The following HECW1 variants were observed in gnomAD, a reference collection of about 807,000 sequenced individuals.
HECW1 encodes the protein E3 ubiquitin-protein ligase HECW1.
In HECW1, 61 loss-of-function variants were observed where a neutral mutation model predicts 182.3. That is an observed-to-expected ratio of 0.33 (90% CI 0.27 to 0.41). HECW1 has a LOEUF of 0.41. Ranked by LOEUF, HECW1 falls within the 10% of genes least tolerant of loss-of-function variation. The probability of loss-of-function intolerance (pLI) is 1.00; values close to 1 mark genes in which losing one functional copy is unlikely to be tolerated. For missense variants in HECW1, 1,739 were observed against 2,108.9 expected (o/e 0.82, Z 3.44); for synonymous variants, 859 against 832.6 (o/e 1.03, Z -0.55).
chr7:43,462,832 C>T (rs899074564), intron 13 of HECW1, among the ~76,000 whole-genome samples: 15 of 152,250 alleles, frequency 9.9e-5, no homozygotes, highest in African/African-American at 3.4e-4. Context: ...ACAAGCTCCC[C>T]AACAAATTCA....
chr7:43,135,663 T>G (rs533774154), intron 2 of HECW1, among the ~76,000 whole-genome samples: 4 of 152,358 alleles, frequency 2.6e-5, no homozygotes, highest in South Asian at 4.1e-4. Context: ...CATAGCTTTT[T>G]CCTTTGACCC....
intron 2 of HECW1, chr7:43,207,775 G>C (rs1289912473): frequency 2.0e-5 from 3 of 152,136 alleles, no homozygotes; most frequent in Non-Finnish European, 2.9e-5. Flanking sequence ...AACATGGAAT[G>C]CTTCACAGTT....
intron 1 of HECW1, 68 bp downstream of exon 1, chr7:43,113,005 C>G (rs1159329747): frequency 5.1e-6 from 1 of 194,436 alleles, no homozygotes; most frequent in Non-Finnish European, 1.1e-5. Context: ...GGGCGGCTTC[C>G]CCGCCGCACG....
At position 43,278,402 on chromosome 7, in the gene HECW1, C is replaced by G. The variant is rs116424138; in HGVS notation, c.28-33361C>G. On this transcript the variant is annotated intron_variant, in intron 3 of 29. Coordinates refer to ENST00000395891, the MANE Select transcript of HECW1 (RefSeq NM_015052.5). Reference sequence around the variant, plus strand: ...TCTCGGCACATCCGCAGCTCCCACCCTGGTTCTAGCAAGCGGCAGCTCCCC... The same window carrying G: ...TCTCGGCACATCCGCAGCTCCCACCGTGGTTCTAGCAAGCGGCAGCTCCCC... Among the ~76,000 whole-genome samples, 1,093 of 152,226 alleles carry G rather than the reference C, an allele frequency of 7.2e-3. 14 individuals are homozygous for G. Among genetic ancestry groups the G allele is most frequent in the African/African-American group, 0.024 (1,007 of 41,536 alleles).
chr7:43,355,522 C>T (rs944799191), intron 5 of HECW1, among the ~76,000 whole-genome samples: 1 of 151,904 alleles, frequency 6.6e-6, no homozygotes, highest in Non-Finnish European at 1.5e-5. Flanking sequence ...AAGTTGTCAT[C>T]TCCTTAAAAT....
At chr7:43,555,895 G>A (rs4724223) in intron 29 of HECW1, among the ~76,000 whole-genome samples, 1,517 of 117,852 alleles carry the variant, frequency 0.013, 74 homozygotes, top group Admixed American at 0.093. Context: ...GGCAGAATTT[G>A]CATTTGTTAA....
At chr7:43,317,263 C>T (rs1030912554) in intron 4 of HECW1, among the ~76,000 whole-genome samples, 2 of 152,206 alleles carry the variant, frequency 1.3e-5, no homozygotes, top group Non-Finnish European at 2.9e-5. Flanking sequence ...TGACCTACTC[C>T]GCTTGCCACT....
intron 17 of HECW1, among the ~76,000 whole-genome samples, chr7:43,488,377 AGGAAGGAAGGAAGGAAGGAAGGAAAT>A (rs2078744773): frequency 8.8e-6 from 1 of 113,428 alleles, no homozygotes. Flanking sequence ...GAAGGAAGGA[AGGAAGGAAGGAAGGAAGGAAGGAAAT>A]GAAAGAAAGA....
At chr7:43,425,642 C>T (rs979257981) in intron 8 of HECW1, among the ~76,000 whole-genome samples, 2 of 152,070 alleles carry the variant, frequency 1.3e-5, no homozygotes, top group Non-Finnish European at 2.9e-5. Flanking sequence ...CTGGGAAGTC[C>T]AGTAGCATGG....
In HECW1 at chr7:43,554,643, G is replaced by A. The variant is rs756422420; in HGVS notation, c.4562G>A (p.Arg1521His). 163 of 1,613,682 alleles carry A rather than the reference G, an allele frequency of 1.0e-4. No homozygotes were observed. The highest frequency in any genetic ancestry group is 1.5e-4 in the South Asian group (14 of 90,914). Reference sequence around the variant, plus strand: ...CGCTGGTTCTGGGCTGCGGTGGAGCGCTTCAATAATGAGCAGAGGCTGAGA... The same window carrying A: ...CGCTGGTTCTGGGCTGCGGTGGAGCACTTCAATAATGAGCAGAGGCTGAGA... ...VIRWFWAAVE[R>H]FNNEQRLRLL... The change falls in exon 29 of 30, where the codon CGC becomes CAC. Residue 1521 changes from arginine to histidine, a missense_variant. Physicochemically the swap from Arg to His is conservative, Grantham distance 29 (BLOSUM62 0). Transcript: ENST00000395891.
chr7:43,357,911 A>T (rs1029815046), intron 5 of HECW1, among the ~76,000 whole-genome samples: 1 of 152,204 alleles, frequency 6.6e-6, no homozygotes, highest in African/African-American at 2.4e-5. Flanking sequence ...AAAACTATAA[A>T]TGGAAGAAAC....
chr7:43,389,619 CTGTTGTTGTTGTTGT>C (rs78728195), intron 6 of HECW1, among the ~76,000 whole-genome samples: 105 of 151,530 alleles, frequency 6.9e-4, no homozygotes, highest in African/African-American at 2.4e-3. Context: ...ATTGTTGTTG[CTGTTGTTGTTGTTGT>C]TGTTGTTGTT....
chr7:43,469,143 G>C (rs747440525), intron 16 of HECW1, 38 bp downstream of exon 16: 4 of 1,596,210 alleles, frequency 2.5e-6, no homozygotes, highest in South Asian at 1.1e-5. Flanking sequence ...CATCAAACAG[G>C]CTCCTTCCCC....
At chr7:43,323,109 T>C (rs887486798) in intron 5 of HECW1, among the ~76,000 whole-genome samples, 2 of 152,212 alleles carry the variant, frequency 1.3e-5, no homozygotes, top group Admixed American at 6.5e-5. Context: ...TCTCCTCATT[T>C]GCATGGCCCA....
chr7:43,254,646 A>G (rs1800376617), intron 3 of HECW1, among the ~76,000 whole-genome samples: 1 of 152,188 alleles, frequency 6.6e-6, no homozygotes, highest in South Asian at 2.1e-4. Flanking sequence ...GTCAGCAGAG[A>G]GTTCAGCCTT....
intron 8 of HECW1, among the ~76,000 whole-genome samples, chr7:43,415,280 A>G (rs1356245464): frequency 1.4e-5 from 2 of 143,748 alleles, no homozygotes; most frequent in Non-Finnish European, 3.1e-5. Flanking sequence ...TTTCTCCTTC[A>G]CTTATGAAGC....
At chr7:43,552,035 T>C (rs2081851508) in intron 27 of HECW1, among the ~76,000 whole-genome samples, 187 bp from the exon 28 acceptor site, 1 of 152,114 alleles carries the variant, frequency 6.6e-6, no homozygotes, top group Admixed American at 6.6e-5. Flanking sequence ...ACATATGAAT[T>C]TGGGGAAGGA....
chr7:43,266,180 T>C (rs1284309002), intron 3 of HECW1, among the ~76,000 whole-genome samples: 2 of 152,152 alleles, frequency 1.3e-5, no homozygotes, highest in Admixed American at 6.5e-5. Flanking sequence ...TCTTGTCACA[T>C]GGTTGTTTCC....
intron 17 of HECW1, among the ~76,000 whole-genome samples, chr7:43,488,062 C>A (rs1464204767): frequency 6.6e-6 from 1 of 151,952 alleles, no homozygotes; most frequent in Admixed American, 6.6e-5. Flanking sequence ...GTAATCCCAG[C>A]ACTTTGGGAG....
Sources: allele counts gnomAD v4.1 joint callset (sites outside exome capture counted in the v4.1 genomes callset), GRCh38; gene constraint gnomAD v4.1.1; transcripts MANE v1.5; gene names NCBI Gene and HGNC (gene_info 2026-07-23, HGNC 2026-07-21).